Variants in ARHGEF38 observed in about 807,000 individuals in gnomAD.
ARHGEF38 encodes the protein Rho guanine nucleotide exchange factor (GEF) 38.
A neutral mutation model predicts 79.9 loss-of-function variants in ARHGEF38; 79 were observed. The observed-to-expected ratio is 0.99, with a 90% CI of 0.82 to 1.19. The LOEUF (loss-of-function observed/expected upper bound fraction) is 1.19. ARHGEF38 is among the 50% of genes most tolerant of loss of function. The pLI is 0.00. For missense variants in ARHGEF38, 962 were observed against 907.2 expected (o/e 1.06, Z -0.78); for synonymous variants, 366 against 328.3 (o/e 1.11, Z -1.24).
intron 1 of ARHGEF38, among the ~76,000 whole-genome samples, chr4:105,559,232 C>A (rs1725398570): frequency 6.6e-6 from 1 of 152,070 alleles, no homozygotes. Context: ...ATTTGGGAGT[C>A]CTACCTTCAC....
intron 8 of ARHGEF38, among the ~76,000 whole-genome samples, chr4:105,654,788 C>T (rs1377343507): frequency 6.6e-6 from 1 of 152,160 alleles, no homozygotes; most frequent in East Asian, 1.9e-4. Flanking sequence ...AAAGAGGAAA[C>T]AGTGTCCTTC....
intron 7 of ARHGEF38, among the ~76,000 whole-genome samples, chr4:105,650,539 A>G (rs1730056850): frequency 6.6e-6 from 1 of 152,196 alleles, no homozygotes; most frequent in African/African-American, 2.4e-5. Context: ...TTTTGCAAGG[A>G]AATCCCAACA....
intron 1 of ARHGEF38, among the ~76,000 whole-genome samples, chr4:105,567,896 G>A (rs1225114690): frequency 6.6e-6 from 1 of 151,112 alleles, no homozygotes; most frequent in Non-Finnish European, 1.5e-5. Context: ...TCGTCATCTA[G>A]CATTAGGTAT....
intron 8 of ARHGEF38, 143 bp downstream of exon 8, chr4:105,654,312 G>A: frequency 2.0e-6 from 1 of 501,240 alleles, no homozygotes. Flanking sequence ...GCTGCAAACT[G>A]CTGGTAAAGG....
chr4:105,626,881 C>T (rs1227326363), intron 3 of ARHGEF38, among the ~76,000 whole-genome samples: 2 of 151,414 alleles, frequency 1.3e-5, no homozygotes, highest in African/African-American at 4.9e-5. Context: ...ATGGTCCCAT[C>T]CAGCCACACT....
intron 2 of ARHGEF38, among the ~76,000 whole-genome samples, chr4:105,597,141 G>A (rs1368193071): frequency 6.6e-6 from 1 of 151,946 alleles, no homozygotes; most frequent in Non-Finnish European, 1.5e-5. Flanking sequence ...TGTTACAGTA[G>A]CTCACTGAAA....
At chr4:105,631,187 A>C (rs1729175963) in intron 4 of ARHGEF38, 142 bp downstream of exon 4, 1 of 1,299,746 alleles carries the variant, frequency 7.7e-7, no homozygotes, top group African/African-American at 1.5e-5. Flanking sequence ...TTCCCTTTAT[A>C]AAAAGCTGAC....
intron 1 of ARHGEF38, among the ~76,000 whole-genome samples, chr4:105,555,573 G>T (rs1192223855): frequency 6.6e-6 from 1 of 152,116 alleles, no homozygotes; most frequent in Non-Finnish European, 1.5e-5. Context: ...GGGAGGCACT[G>T]AATAAACACC....
At chr4:105,625,361 TG>T (rs1246211842) in intron 3 of ARHGEF38, among the ~76,000 whole-genome samples, 2 of 152,208 alleles carry the variant, frequency 1.3e-5, no homozygotes, top group African/African-American at 2.4e-5. Context: ...TAAGTTCAGC[TG>T]GGAGAAACAG....
At chr4:105,592,598 T>G (rs951210497) in intron 2 of ARHGEF38, among the ~76,000 whole-genome samples, 21 of 152,154 alleles carry the variant, frequency 1.4e-4, no homozygotes, top group African/African-American at 5.1e-4. Flanking sequence ...GAAGTTCAAT[T>G]TTTCGTCTAC....
intron 3 of ARHGEF38, among the ~76,000 whole-genome samples, chr4:105,628,628 TCA>T (rs1488420646): frequency 6.6e-6 from 1 of 152,096 alleles, no homozygotes; most frequent in Non-Finnish European, 1.5e-5. Context: ...CCAAAGATGC[TCA>T]CAGTTATTGA....
chr4:105,581,083 C>A (rs894477392), intron 1 of ARHGEF38, among the ~76,000 whole-genome samples: 2 of 152,178 alleles, frequency 1.3e-5, no homozygotes, highest in African/African-American at 4.8e-5. Context: ...TAACTCACCC[C>A]ACCTGCAGGA....
intron 10 of ARHGEF38, among the ~76,000 whole-genome samples, chr4:105,661,296 T>A (rs1366915699): frequency 6.6e-6 from 1 of 152,042 alleles, no homozygotes; most frequent in Non-Finnish European, 1.5e-5. Flanking sequence ...AACATTCAAG[T>A]TTTTAGTGGA....
At chr4:105,605,485 A>G (rs1432085474) in intron 2 of ARHGEF38, among the ~76,000 whole-genome samples, 2 of 152,086 alleles carry the variant, frequency 1.3e-5, no homozygotes, top group Admixed American at 1.3e-4. Flanking sequence ...GTCTGTCCAC[A>G]TTAGTATCTT....
chr4:105,662,301 G>C (rs562513150), intron 10 of ARHGEF38, among the ~76,000 whole-genome samples: 1 of 152,178 alleles, frequency 6.6e-6, no homozygotes, highest in African/African-American at 2.4e-5. Context: ...ATGCTAGGGA[G>C]ATGAGCCTTT....
At position 105,589,286 on chromosome 4, in the gene ARHGEF38, A is replaced by G; in HGVS notation, c.235A>G (p.Thr79Ala). Residue 79 changes from threonine (T) to alanine (A), a missense_variant, in exon 2 of 14, where the codon ACC (threonine) becomes GCC (alanine). Transcript: ENST00000420470. The part of the protein sequence containing the change: ...TPQGECSVAE[T>A]LTPEEEHHMK... The stretch of plus-strand genomic sequence containing the variant: ...ACAGGGTGAGTGTTCTGTAGCTGAG[A>G]CCTTAACCCCAGAGGAAGAGCATCA... The G allele has an allele frequency of 6.2e-7, 1 of 1,614,046 alleles. No individual in the cohort carries two copies. The highest frequency in any genetic ancestry group is 1.7e-4 in the Middle Eastern group (1 of 6,060).
chr4:105,607,003 C>T (rs1728072577), intron 2 of ARHGEF38, among the ~76,000 whole-genome samples: 1 of 151,940 alleles, frequency 6.6e-6, no homozygotes, highest in African/African-American at 2.4e-5. Context: ...AATGTTTGTT[C>T]CTAGACTTCT....
intron 2 of ARHGEF38, among the ~76,000 whole-genome samples, chr4:105,610,784 A>C (rs1728260526): frequency 6.6e-6 from 1 of 152,074 alleles, no homozygotes; most frequent in Admixed American, 6.6e-5. Flanking sequence ...TATTTGTGGC[A>C]CTAAGCTAAG....
At chr4:105,648,906 A>G (rs1729973874) in intron 7 of ARHGEF38, among the ~76,000 whole-genome samples, 1 of 150,510 alleles carries the variant, frequency 6.6e-6, no homozygotes, top group Non-Finnish European at 1.5e-5. Flanking sequence ...TAGGATTGAC[A>G]CTGTCTTAGC....
Sources: allele counts gnomAD v4.1 joint callset (sites outside exome capture counted in the v4.1 genomes callset), GRCh38; gene constraint gnomAD v4.1.1; transcripts MANE v1.5; gene names NCBI Gene and HGNC (gene_info 2026-07-23, HGNC 2026-07-21).